NOX3: variants seen among roughly 807,000 people sequenced by gnomAD.
NOX3 encodes NADPH oxidase catalytic subunit-like 3.
A neutral mutation model predicts 76.7 loss-of-function variants in NOX3; 74 were observed. The ratio of observed to expected loss-of-function variants is 0.96; its 90% CI spans 0.80 to 1.17. The LOEUF (loss-of-function observed/expected upper bound fraction) is 1.17, where lower values mean the gene tolerates loss of function less well. NOX3 is among the 50% of genes most tolerant of loss of function. The pLI, the probability that NOX3 is intolerant of heterozygous loss-of-function variation, is 0.00. For missense variants in NOX3, 695 were observed against 703.3 expected (o/e 0.99, Z 0.13); for synonymous variants, 263 against 261.1 (o/e 1.01, Z -0.07).
Position 155,411,276 on chromosome 6 carries a change from C to T in NOX3, c.1393G>A (p.Glu465Lys), listed in dbSNP as rs1416844681. 1.2e-6 allele frequency: 2 copies of T among 1,614,004 alleles called. No homozygotes were observed. The highest frequency in any genetic ancestry group is 1.7e-6 in the Non-Finnish European group (2 of 1,179,876). ...LLLSLETRMS[E>K]QGKTHFLSYH... ...CTCAGAAAGTGAGTTTTCCCCTGCT[C>T]ACTCATCCGTGTTTCCAGGGAGAGT... The change falls in exon 11 of 14, where the codon GAG (glutamate) becomes AAG (lysine). Residue 465 changes from glutamate (E) to lysine (K), a missense_variant. By Grantham distance (56) the Glu-to-Lys change is moderately conservative (BLOSUM62 1). Coordinates refer to ENST00000159060, the MANE Select transcript of NOX3 (RefSeq NM_015718.3).
chr6:155,454,688 A>G, intron 3 of NOX3, 123 bp downstream of exon 3: 1 of 626,584 alleles, frequency 1.6e-6, no homozygotes, highest in Non-Finnish European at 2.7e-6. Context: ...GTTATCTCTA[A>G]CAAAGAAACC....
At chr6:155,454,656 G>A (rs996303018) in intron 3 of NOX3, among the ~76,000 whole-genome samples, 155 bp downstream of exon 3, 6 of 152,172 alleles carry the variant, frequency 3.9e-5, no homozygotes, top group Admixed American at 3.3e-4. Flanking sequence ...ACTGATTACC[G>A]TTTTTCTGTC....
At chr6:155,428,591 T>C (rs867391388) in intron 9 of NOX3, among the ~76,000 whole-genome samples, 3,907 of 148,682 alleles carry the variant, frequency 0.026, 171 homozygotes, top group African/African-American at 0.082. Context: ...TTTTTCTTTT[T>C]TTTTTTTTTT....
intron 10 of NOX3, among the ~76,000 whole-genome samples, chr6:155,415,342 C>A (rs1172352553): frequency 6.6e-6 from 1 of 152,184 alleles, no homozygotes; most frequent in African/African-American, 2.4e-5. Context: ...AAGTTGGATG[C>A]TTTCAGGCGA....
At position 155,426,239 on chromosome 6, in the gene NOX3, T is replaced by C. The variant is rs546969062; in HGVS notation, c.1145+2555A>G. On this transcript the variant is annotated intron_variant, in intron 9 of 13. Coordinates refer to ENST00000159060, the MANE Select transcript of NOX3 (RefSeq NM_015718.3). ...GAATGGAGGGAAGCAGCTCTGTTTA[T>C]GACAACTCATTTTTATCGAGCCCAT... Among the ~76,000 whole-genome samples the C allele has an allele frequency of 2.0e-5, 3 of 152,344 alleles. No individual in the cohort carries two copies. The South Asian group carries it at 6.2e-4, about 32-fold the overall frequency.
chr6:155,402,722 C>T (rs957635322), intron 12 of NOX3, among the ~76,000 whole-genome samples: 10 of 152,286 alleles, frequency 6.6e-5, no homozygotes, highest in African/African-American at 2.4e-4. Context: ...TTTGATTTAA[C>T]TCCTTCTTAG....
chr6:155,430,479 A>G (rs936807339), intron 8 of NOX3, among the ~76,000 whole-genome samples: 3 of 151,972 alleles, frequency 2.0e-5, no homozygotes. Context: ...TGTTTGCAAA[A>G]TTTGTGCCTT....
intron 6 of NOX3, 45 bp downstream of exon 6, chr6:155,439,911 C>T: frequency 6.5e-7 from 1 of 1,545,854 alleles, no homozygotes; most frequent in Non-Finnish European, 8.8e-7. Context: ...TATTTTGGGA[C>T]TCTCAGAGAT....
At chr6:155,426,422 G>C (rs1776755528) in intron 9 of NOX3, among the ~76,000 whole-genome samples, 1 of 152,138 alleles carries the variant, frequency 6.6e-6, no homozygotes, top group Admixed American at 6.5e-5. Context: ...CATGCCAGGT[G>C]GTGGTATGTA....
At chr6:155,437,476 C>T (rs2235668) in intron 6 of NOX3, among the ~76,000 whole-genome samples, 32,616 of 152,044 alleles carry the variant, frequency 0.21, 3,903 homozygotes, top group East Asian at 0.32. Context: ...AGCAGTAATA[C>T]GCCCTTGGAA....
chr6:155,445,999 T>TAAAAA (rs1195710730), intron 4 of NOX3, among the ~76,000 whole-genome samples: 2 of 113,144 alleles, frequency 1.8e-5, no homozygotes, highest in African/African-American at 6.3e-5. Context: ...ATATATATAA[T>TAAAAA]ATATATATAT....
intron 5 of NOX3, 72 bp from the exon 6 acceptor site, chr6:155,440,209 ATT>A (rs561715949): frequency 7.3e-5 from 76 of 1,034,288 alleles, no homozygotes; most frequent in South Asian, 1.9e-4. Context: ...ATCCTGGCAT[ATT>A]TTTTTTTTTC....
chr6:155,401,804 A>AT (rs1314389203), intron 12 of NOX3, among the ~76,000 whole-genome samples: 6 of 152,084 alleles, frequency 3.9e-5, no homozygotes, highest in African/African-American at 1.4e-4. Flanking sequence ...AAAAAAAAAA[A>AT]AAATGACCAA....
chr6:155,435,524 GT>G (rs34819529), intron 7 of NOX3, among the ~76,000 whole-genome samples: 65,025 of 150,240 alleles, frequency 0.43, 14,672 homozygotes, highest in East Asian at 0.6. Context: ...ATATTTGAGG[GT>G]TTTTTTTTTA....
rs534711414 is a variant in NOX3 at position 155,416,744 on chromosome 6, C to CTTTTTTTTTTTTT, written c.1309-5397_1309-5385dup. 1.1e-3 allele frequency among the ~76,000 whole-genome samples: 100 copies of CTTTTTTTTTTTTT among 92,526 alleles called. 6 individuals are homozygous for CTTTTTTTTTTTTT. Among genetic ancestry groups the CTTTTTTTTTTTTT allele is most frequent in the Middle Eastern group, 7.7e-3 (1 of 130 alleles). The allele number at this position is 92,526 out of a possible 152,430, so 60.7% of individuals were successfully genotyped here. A position where few individuals can be genotyped will look rare whatever the true frequency, so the allele number is the denominator to read the frequency against. ...GGACAACTGAAACATCTGAAACATTCTTTTTTTTTTTTTTTTTTTTTTTTG... is the reference window on the plus strand; with the variant it reads ...GGACAACTGAAACATCTGAAACATTCTTTTTTTTTTTTTTTTTTTTTTTTTTTTTTTTTTTTTG... On this transcript the variant is annotated intron_variant, in intron 10 of 13. Coordinates refer to ENST00000159060, the MANE Select transcript of NOX3 (RefSeq NM_015718.3).
In NOX3 at chr6:155,439,810, G is replaced by A. The variant is rs567208750; in HGVS notation, c.668+146C>T. The A allele has an allele frequency of 5.0e-5, 27 of 543,858 alleles. No individual in the cohort carries two copies. In the East Asian group the frequency reaches 8.2e-4, roughly 17 times the overall value. The allele number at this position is 543,858 out of a possible 1,614,324, so 33.7% of individuals were successfully genotyped here. Reference sequence around the variant, plus strand: ...GCTTATTTTCAGTGTTACTGAAAAAGCGTTTGCCACAGTCAATGTGCTTTT... The same window carrying A: ...GCTTATTTTCAGTGTTACTGAAAAAACGTTTGCCACAGTCAATGTGCTTTT... On this transcript the variant is annotated intron_variant, in intron 6 of 13. Transcript: ENST00000159060.
chr6:155,420,118 A>G (rs573818751), intron 10 of NOX3, among the ~76,000 whole-genome samples: 5 of 152,324 alleles, frequency 3.3e-5, no homozygotes, highest in Middle Eastern at 3.4e-3. Flanking sequence ...ACGAATCTTA[A>G]TACAGGAAAG....
Position 155,429,011 on chromosome 6 carries a change from T to G in NOX3, c.928A>C (p.Met310Leu). Residue 310 changes from methionine (M) to leucine (L), a missense_variant, in exon 9 of 14, where the codon ATG (methionine) becomes CTG (leucine). Transcript: ENST00000159060. Reference protein sequence around the residue: ...SHPSGVLELHMKKRGFKMAPG... With the variant: ...SHPSGVLELHLKKRGFKMAPG... ...GCCATTTTAAAGCCACGCTTTTTCA[T>G]GTGAAGTTCCAGGACTCCAGAGGGG... is the stretch of plus-strand genomic sequence containing the variant. 6.2e-7 allele frequency: 1 copy of G among 1,610,716 alleles called. No homozygotes were observed. Among genetic ancestry groups the G allele is most frequent in the African/African-American group, 1.3e-5 (1 of 74,998 alleles).
chr6:155,415,871 G>A (rs778936798), intron 10 of NOX3, among the ~76,000 whole-genome samples: 4 of 152,202 alleles, frequency 2.6e-5, no homozygotes, highest in Non-Finnish European at 5.9e-5. Context: ...GTCATTTGGA[G>A]GAGCTTAGAG....
Sources: gnomAD v4.1 joint callset for allele counts (sites outside exome capture counted in the v4.1 genomes callset) on GRCh38, gnomAD v4.1.1 for gene constraint, MANE v1.5 for transcripts, NCBI Gene and HGNC (gene_info 2026-07-23, HGNC 2026-07-21) for gene names.